The following RBFOX1 variants were observed in gnomAD, a reference collection of about 807,000 sequenced individuals.
RBFOX1 encodes RNA binding protein fox-1 homolog 1.
A neutral mutation model predicts 57.7 loss-of-function variants in RBFOX1; 8 were observed. That is an observed-to-expected ratio of 0.14 (90% CI 0.08 to 0.25). RBFOX1 has a LOEUF of 0.25. Among genes scored for constraint, RBFOX1 ranks in the 10% least tolerant of loss-of-function variants. The pLI is 1.00. For synonymous variants in RBFOX1, 326 were observed against 222.4 expected (o/e 1.47, Z -4.15); for missense variants, 611 against 548.5 (o/e 1.11, Z -1.14).
At chr16:6,629,794 C>T (rs1025831421) in intron 2 of RBFOX1, among the ~76,000 whole-genome samples, 21 of 152,268 alleles carry the variant, frequency 1.4e-4, no homozygotes, top group African/African-American at 5.1e-4. Flanking sequence ...TCGCTATTAG[C>T]CACAGCCTCT....
At chr16:6,130,581 T>C (rs2096622611) in intron 1 of RBFOX1, among the ~76,000 whole-genome samples, 1 of 152,074 alleles carries the variant, frequency 6.6e-6, no homozygotes, top group Non-Finnish European at 1.5e-5. Flanking sequence ...AGAGCAGAGA[T>C]TGTCAGACTA....
At position 5,340,476 on chromosome 16, in the gene RBFOX1, G is replaced by A. The variant is rs1338066478; in HGVS notation, c.219+100371G>A. ...GATCTGTCAGGGATTGCTGCCATGG[G>A]CACATATTGGGAGTGATGGCATGTG... is the stretch of plus-strand genomic sequence containing the variant. On this transcript the variant is annotated intron_variant, in intron 1 of 2. Transcript: ENST00000585867. 2.0e-5 allele frequency among the ~76,000 whole-genome samples: 3 copies of A among 152,184 alleles called. No homozygotes were observed. The East Asian group carries it at 5.8e-4, about 29-fold the overall frequency.
chr16:6,954,747 C>G (rs527733509), intron 3 of RBFOX1, among the ~76,000 whole-genome samples: 2 of 152,168 alleles, frequency 1.3e-5, no homozygotes, highest in East Asian at 1.9e-4. Flanking sequence ...AGAACATGCC[C>G]TCCAGAGGAT....
intron 3 of RBFOX1, among the ~76,000 whole-genome samples, chr16:5,714,323 C>T (rs1175698007): frequency 6.6e-6 from 1 of 152,168 alleles, no homozygotes; most frequent in African/African-American, 2.4e-5. Context: ...AGAGGCTCTG[C>T]CTGTCTTCAC....
chr16:6,021,548 G>T (rs1160667337), intron 1 of RBFOX1, among the ~76,000 whole-genome samples: 1 of 152,222 alleles, frequency 6.6e-6, no homozygotes, highest in Non-Finnish European at 1.5e-5. Flanking sequence ...CTCAAAACCT[G>T]TGTCCTCTTT....
rs116218055 is a variant in RBFOX1 at position 5,420,373 on chromosome 16, T to C, written c.220-46843T>C. Among the ~76,000 whole-genome samples, 497 of 129,278 alleles carry C rather than the reference T, an allele frequency of 3.8e-3. 1 individual carries two copies. The highest frequency in any genetic ancestry group is 0.014 in the African/African-American group (472 of 32,556). 84.8% of individuals were successfully genotyped at this position (129,278 alleles called of 152,430 possible). On this transcript the variant is annotated intron_variant, in intron 1 of 2. Coordinates refer to the RBFOX1 transcript ENST00000585867. Reference sequence around the variant, plus strand: ...TAACACCGAAGGTTTTTAATAAATATTCTCCACCACCCCCATATACACACA... The same window carrying C: ...TAACACCGAAGGTTTTTAATAAATACTCTCCACCACCCCCATATACACACA...
chr16:5,849,148 G>A (rs1200324771), intron 3 of RBFOX1, among the ~76,000 whole-genome samples: 6 of 151,996 alleles, frequency 3.9e-5, no homozygotes, highest in African/African-American at 1.5e-4. Flanking sequence ...TCAGAGATAA[G>A]GTTGCATTGA....
At chr16:7,664,414 A>C (rs914336994) in intron 12 of RBFOX1, among the ~76,000 whole-genome samples, 1 of 152,150 alleles carries the variant, frequency 6.6e-6, no homozygotes, top group African/African-American at 2.4e-5. Context: ...ATATAGAAGA[A>C]AATTTTTGAA....
intron 3 of RBFOX1, among the ~76,000 whole-genome samples, chr16:6,808,762 G>A (rs1033639331): frequency 1.3e-5 from 2 of 152,070 alleles, no homozygotes; most frequent in Admixed American, 6.6e-5. Flanking sequence ...GGTTATCTCT[G>A]GGTCTGGGTA....
rs548064722 is a variant in RBFOX1, at chr16:6,345,829, A to G, written c.-64+28772A>G. ...CAGGAGGTCCTGACGACATGTGCGC[A>G]AGGTGGTTGGGGCACAGCTTGGTTT... On this transcript the variant is annotated intron_variant, in intron 2 of 15. Transcript: ENST00000550418. Among the ~76,000 whole-genome samples the G allele has an allele frequency of 3.9e-5, 6 of 152,336 alleles. No individual in the cohort carries two copies. The East Asian group carries it at 1.2e-3, about 29-fold the overall frequency.
intron 1 of RBFOX1, among the ~76,000 whole-genome samples, chr16:6,111,998 C>T (rs965017533): frequency 6.6e-6 from 1 of 151,794 alleles, no homozygotes; most frequent in Non-Finnish European, 1.5e-5. Context: ...TAATCTGTCT[C>T]ATTTTCCATT....
chr16:6,883,850 C>A (rs770548709), intron 3 of RBFOX1, among the ~76,000 whole-genome samples: 13 of 151,036 alleles, frequency 8.6e-5, no homozygotes, highest in Admixed American at 7.9e-4. Flanking sequence ...GAATTAATGT[C>A]CTTTGTAGTA....
chr16:7,425,022 G>A (rs184436462), intron 4 of RBFOX1, among the ~76,000 whole-genome samples: 1 of 152,172 alleles, frequency 6.6e-6, no homozygotes, highest in Admixed American at 6.5e-5. Context: ...TTATTATTTT[G>A]ACATAAAAGG....
intron 2 of RBFOX1, among the ~76,000 whole-genome samples, chr16:6,413,416 G>A (rs1482414867): frequency 6.6e-6 from 1 of 151,780 alleles, no homozygotes; most frequent in Non-Finnish European, 1.5e-5. Context: ...CTCTCATCTT[G>A]GCTTCCCAAA....
At chr16:6,194,782 T>G (rs1225707524) in intron 1 of RBFOX1, among the ~76,000 whole-genome samples, 2 of 152,246 alleles carry the variant, frequency 1.3e-5, no homozygotes, top group African/African-American at 4.8e-5. Flanking sequence ...CTGTCCATTT[T>G]CAACTTTACG....
At chr16:6,170,902 T>G (rs2096955470) in intron 1 of RBFOX1, among the ~76,000 whole-genome samples, 2 of 152,196 alleles carry the variant, frequency 1.3e-5, no homozygotes, top group Non-Finnish European at 2.9e-5. Context: ...CATCCAGGTC[T>G]CTGCAAAGGA....
At position 5,502,798 on chromosome 16, in the gene RBFOX1, C is replaced by T. The variant is rs140700399; in HGVS notation, c.258+35544C>T. ...GCTGGAACTTTATCAGACCATCTCC[C>T]GTCAGTTCCAGACTCTTCCGCGTCT... On this transcript the variant is annotated intron_variant, in intron 2 of 2. Transcript: ENST00000585867. Among the ~76,000 whole-genome samples, 274 of 152,270 alleles carry T rather than the reference C, an allele frequency of 1.8e-3. 2 individuals carry two copies. Among genetic ancestry groups the T allele is most frequent in the Admixed American group, 6.2e-3 (95 of 15,302 alleles).
intron 1 of RBFOX1, among the ~76,000 whole-genome samples, chr16:5,398,995 C>T (rs571091373): frequency 1.3e-5 from 2 of 152,258 alleles, no homozygotes; most frequent in South Asian, 4.2e-4. Flanking sequence ...CTTCTCTTCC[C>T]GCATTTGAGG....
intron 4 of RBFOX1, among the ~76,000 whole-genome samples, chr16:7,343,802 A>G (rs1223923920): frequency 6.6e-6 from 1 of 152,042 alleles, no homozygotes; most frequent in Non-Finnish European, 1.5e-5. Flanking sequence ...GCCATTTGCT[A>G]CCTGTGTGAC....
Sources: allele counts gnomAD v4.1 joint callset (sites outside exome capture counted in the v4.1 genomes callset), GRCh38; gene constraint gnomAD v4.1.1; transcripts MANE v1.5; gene names NCBI Gene and HGNC (gene_info 2026-07-23, HGNC 2026-07-21).